Variants in MAML3 observed in about 807,000 individuals in gnomAD.
MAML3 encodes mastermind-like protein 3.
MAML3 carries 27 observed loss-of-function variants against 101.9 expected under a neutral mutation model. The observed-to-expected ratio is 0.27, with a 90% confidence interval of 0.20 to 0.37. The LOEUF (loss-of-function observed/expected upper bound fraction) is 0.37. Ranked by LOEUF, MAML3 falls within the 10% of genes least tolerant of loss-of-function variation. The pLI is 1.00. For missense variants in MAML3, 1,316 were observed against 1,444.9 expected (o/e 0.91, Z 1.45); for synonymous variants, 501 against 555.9 (o/e 0.90, Z 1.39).
chr4:139,904,919 G>C (rs1227249116), intron 1 of MAML3, among the ~76,000 whole-genome samples: 1 of 152,212 alleles, frequency 6.6e-6, no homozygotes, highest in Non-Finnish European at 1.5e-5. Flanking sequence ...AAAAGGTACA[G>C]TAAAAACATG....
chr4:140,112,057 C>T (rs1560897346), intron 1 of MAML3, among the ~76,000 whole-genome samples: 2 of 152,094 alleles, frequency 1.3e-5, no homozygotes, highest in African/African-American at 2.4e-5. Flanking sequence ...ATGCTATGTC[C>T]TTTTTTATAC....
intron 1 of MAML3, among the ~76,000 whole-genome samples, chr4:139,892,691 C>T (rs374037014): frequency 4.6e-5 from 7 of 151,638 alleles, no homozygotes; most frequent in African/African-American, 1.5e-4. Context: ...AAATCGGGGC[C>T]GGGAGCGGTG....
intron 1 of MAML3, among the ~76,000 whole-genome samples, chr4:139,947,876 C>A (rs767246058): frequency 6.6e-6 from 1 of 151,548 alleles, no homozygotes; most frequent in South Asian, 2.1e-4. Context: ...CTGGGGTGGG[C>A]GGATCACCTG....
chr4:140,047,647 G>T (rs1727203544), intron 1 of MAML3, among the ~76,000 whole-genome samples: 1 of 152,084 alleles, frequency 6.6e-6, no homozygotes, highest in South Asian at 2.1e-4. Flanking sequence ...TACAGGACTT[G>T]CCGGCCAGTC....
At chr4:140,152,537 G>A (rs542165801) in intron 1 of MAML3, among the ~76,000 whole-genome samples, 1 of 151,998 alleles carries the variant, frequency 6.6e-6, no homozygotes, top group East Asian at 1.9e-4. Flanking sequence ...TTTCAAATCG[G>A]TATCTTAAGA....
At chr4:140,118,505 C>A (rs1271450125) in intron 1 of MAML3, among the ~76,000 whole-genome samples, 1 of 151,998 alleles carries the variant, frequency 6.6e-6, no homozygotes, top group East Asian at 1.9e-4. Flanking sequence ...TTTGTGGAAC[C>A]TCTATTCCAG....
At chr4:140,067,726 C>CTTTT (rs34853196) in intron 1 of MAML3, among the ~76,000 whole-genome samples, 22 of 131,372 alleles carry the variant, frequency 1.7e-4, no homozygotes, top group East Asian at 6.6e-4. Flanking sequence ...CAATCTTAAT[C>CTTTT]TTTTTTTTTT....
chr4:139,857,017 T>C (rs1578633029), intron 2 of MAML3, among the ~76,000 whole-genome samples: 1 of 152,150 alleles, frequency 6.6e-6, no homozygotes, highest in East Asian at 1.9e-4. Context: ...AGAAGATAAT[T>C]AATTAGCATA....
intron 1 of MAML3, among the ~76,000 whole-genome samples, chr4:140,077,475 T>C (rs1269862078): frequency 6.6e-6 from 1 of 152,178 alleles, no homozygotes; most frequent in Non-Finnish European, 1.5e-5. Context: ...CAATACAACA[T>C]TGAATTTTCG....
At chr4:139,981,585 C>T (rs1329653433) in intron 1 of MAML3, among the ~76,000 whole-genome samples, 5 of 152,126 alleles carry the variant, frequency 3.3e-5, no homozygotes, top group African/African-American at 1.2e-4. Context: ...AACTAAAATT[C>T]ATACTTTACT....
chr4:139,858,519 A>G (rs903562369), intron 2 of MAML3, among the ~76,000 whole-genome samples: 5 of 147,264 alleles, frequency 3.4e-5, no homozygotes, highest in African/African-American at 1.3e-4. Context: ...ATGAGACTCC[A>G]CTTAAAAAAT....
intron 1 of MAML3, among the ~76,000 whole-genome samples, chr4:139,988,183 C>T (rs1192986806): frequency 1.3e-5 from 2 of 151,170 alleles, no homozygotes; most frequent in Non-Finnish European, 2.9e-5. Context: ...AAAAATTAGC[C>T]GGGCCTGGTG....
chr4:139,889,056 C>T (rs1732405736), intron 2 of MAML3: 1 of 492,628 alleles, frequency 2.0e-6, no homozygotes, highest in South Asian at 1.7e-5. Flanking sequence ...GGTGGAGTGA[C>T]CTCTGCAGCC....
At chr4:139,770,061 A>G (rs555338581) in intron 2 of MAML3, among the ~76,000 whole-genome samples, 128 of 152,188 alleles carry the variant, frequency 8.4e-4, no homozygotes, top group Non-Finnish European at 1.6e-3. Flanking sequence ...CTGGGACCAC[A>G]GGTGTATACT....
intron 1 of MAML3, among the ~76,000 whole-genome samples, chr4:140,087,439 G>C (rs1190215772): frequency 6.6e-6 from 1 of 152,222 alleles, no homozygotes; most frequent in Non-Finnish European, 1.5e-5. Context: ...GCTACCATGA[G>C]AAACTTTATT....
At chr4:139,992,748 G>A (rs763340631) in intron 1 of MAML3, among the ~76,000 whole-genome samples, 11 of 151,956 alleles carry the variant, frequency 7.2e-5, no homozygotes, top group Non-Finnish European at 1.3e-4. Flanking sequence ...TAGTAGAGAC[G>A]GGGTTTCACC....
At chr4:139,865,485 GTT>G (rs67288115) in intron 2 of MAML3, among the ~76,000 whole-genome samples, 1 of 90,084 alleles carries the variant, frequency 1.1e-5, no homozygotes, top group African/African-American at 7.5e-5. Context: ...TCTGTAAAAG[GTT>G]TTTTTTTTGT....
In MAML3 at chr4:139,890,830, G is replaced by T; in HGVS notation, c.606C>A (p.Ala202=). The T allele has an allele frequency of 6.2e-7, 1 of 1,614,004 alleles. No individual in the cohort carries two copies. Among genetic ancestry groups the T allele is most frequent in the South Asian group, 1.1e-5 (1 of 91,078 alleles). ...GCATGTTACTGGGCAAATTGTTGAT[G>T]GCTTCCATCCCCGCAGAAATGTCCT... ...IRKDISAGME[A]INNLPSNMPL... Residue 202 remains alanine (A), a synonymous_variant, in exon 2 of 5, where the codon GCC becomes GCA. Transcript: ENST00000509479. The surrounding 1 kb of genome is among the most constrained non-coding windows in gnomAD (Gnocchi z 4.1).
In MAML3 at chr4:140,154,078, C is replaced by G. The variant is rs1021358675; in HGVS notation, c.-751G>C. 1 of 171,924 alleles carries G rather than the reference C, an allele frequency of 5.8e-6. No homozygotes were observed. The highest frequency in any genetic ancestry group is 1.3e-5 in the Non-Finnish European group (1 of 79,598). 10.6% of individuals were successfully genotyped at this position (171,924 alleles called of 1,614,324 possible). The stretch of plus-strand genomic sequence containing the variant: ...GGCTGGGCTGCCGCTGCCGCCGCTG[C>G]TCCTGCCACCATCACAATGATCAAC... On this transcript the variant is annotated 5_prime_UTR_variant, in exon 1 of 5. Coordinates refer to ENST00000509479, the MANE Select transcript of MAML3 (RefSeq NM_018717.5).
Sources: gnomAD v4.1 joint callset for allele counts (sites outside exome capture counted in the v4.1 genomes callset) on GRCh38, gnomAD v4.1.1 for gene constraint, Gnocchi (gnomAD v3.1) non-coding constraint, MANE v1.5 for transcripts, NCBI Gene and HGNC (gene_info 2026-07-23, HGNC 2026-07-21) for gene names.